Variants in TMEM132D observed in about 807,000 individuals in gnomAD.
TMEM132D encodes transmembrane protein 132D.
A neutral mutation model predicts 62.3 loss-of-function variants in TMEM132D; 21 were observed. The observed-to-expected ratio is 0.34, with a 90% CI of 0.24 to 0.49. The LOEUF (loss-of-function observed/expected upper bound fraction) is 0.49, where lower values mean the gene tolerates loss of function less well. Ranked by LOEUF, TMEM132D falls within the 20% of genes least tolerant of loss-of-function variation. The pLI is 0.99. For synonymous variants in TMEM132D, 621 were observed against 575.6 expected (o/e 1.08, Z -1.13); for missense variants, 1,346 against 1,402.8 (o/e 0.96, Z 0.65).
intron 4 of TMEM132D, among the ~76,000 whole-genome samples, chr12:129,234,240 T>C (rs1043597768): frequency 6.6e-6 from 1 of 152,140 alleles, no homozygotes; most frequent in African/African-American, 2.4e-5. Flanking sequence ...AGAACAGGCA[T>C]GGAGAATGCA....
chr12:129,547,937 C>T (rs531589642), intron 2 of TMEM132D, among the ~76,000 whole-genome samples: 236 of 152,228 alleles, frequency 1.6e-3, no homozygotes, highest in Middle Eastern at 3.4e-3. Flanking sequence ...CTGTGCTGTG[C>T]TGTTACTTTT....
At chr12:129,227,916 A>G (rs944396318) in intron 4 of TMEM132D, among the ~76,000 whole-genome samples, 5 of 152,278 alleles carry the variant, frequency 3.3e-5, no homozygotes, top group Middle Eastern at 3.4e-3. Context: ...TGTCCCTACA[A>G]ATGACTTGAA....
At chr12:129,762,442 G>A (rs1289173572) in intron 1 of TMEM132D, among the ~76,000 whole-genome samples, 2 of 152,170 alleles carry the variant, frequency 1.3e-5, no homozygotes, top group Admixed American at 6.5e-5. Context: ...GCCCATCCGT[G>A]TGCAGACCAT....
intron 5 of TMEM132D, among the ~76,000 whole-genome samples, chr12:129,183,389 C>T (rs1487786814): frequency 6.6e-6 from 1 of 152,240 alleles, no homozygotes. Context: ...TCAAAGCTCT[C>T]TGTGGCCGAA....
At chr12:129,281,333 C>A (rs1027215839) in intron 4 of TMEM132D, among the ~76,000 whole-genome samples, 73 of 151,960 alleles carry the variant, frequency 4.8e-4, no homozygotes, top group African/African-American at 1.7e-3. Context: ...TCAGGATGTG[C>A]ACACACACAC....
At chr12:129,156,157 C>A (rs1877239003) in intron 5 of TMEM132D, among the ~76,000 whole-genome samples, 1 of 151,802 alleles carries the variant, frequency 6.6e-6, no homozygotes, top group Non-Finnish European at 1.5e-5. Context: ...AACACACTCC[C>A]AATATAAACC....
intron 4 of TMEM132D, among the ~76,000 whole-genome samples, chr12:129,310,050 G>A (rs1227725757): frequency 6.7e-6 from 1 of 150,164 alleles, no homozygotes; most frequent in Non-Finnish European, 1.5e-5. Context: ...CTAGATGAGG[G>A]CTGGCCGAGG....
At chr12:129,410,051 A>G (rs941614079) in intron 3 of TMEM132D, among the ~76,000 whole-genome samples, 7 of 152,202 alleles carry the variant, frequency 4.6e-5, no homozygotes, top group Non-Finnish European at 1.0e-4. Flanking sequence ...TTCCTTCTGG[A>G]GCACTGCTAC....
intron 4 of TMEM132D, among the ~76,000 whole-genome samples, chr12:129,259,744 C>G (rs1170107885): frequency 1.3e-5 from 2 of 151,980 alleles, no homozygotes; most frequent in Non-Finnish European, 2.9e-5. Flanking sequence ...GATTTGGGAA[C>G]CATTTTAGAA....
chr12:129,740,936 A>C (rs1324442364), intron 1 of TMEM132D, among the ~76,000 whole-genome samples: 1 of 152,190 alleles, frequency 6.6e-6, no homozygotes, highest in East Asian at 1.9e-4. Context: ...GAATTTAATT[A>C]TGACATTAAA....
rs567542242 is a variant in TMEM132D at position 129,743,646 on chromosome 12, T to C, written c.80-42948A>G. Among the ~76,000 whole-genome samples, 5 of 152,278 alleles carry C rather than the reference T, an allele frequency of 3.3e-5. No homozygotes were observed. In the East Asian group the frequency reaches 9.6e-4, roughly 29 times the overall value. ...CCAAAAAAATATGCTCGTGCCCTAA[T>C]CCTTGAAACCTGTGAACATGTTAGC... On this transcript the variant is annotated intron_variant, in intron 1 of 8. Coordinates refer to ENST00000422113, the MANE Select transcript of TMEM132D (RefSeq NM_133448.3).
In TMEM132D at chr12:129,498,731, G is replaced by C. The variant is rs1875038342; in HGVS notation, c.1115+32328C>G. Among the ~76,000 whole-genome samples, 3 of 152,146 alleles carry C rather than the reference G, an allele frequency of 2.0e-5. No homozygotes were observed. In the South Asian group the frequency reaches 6.2e-4, roughly 31 times the overall value. ...TGAATGTCTGCATTAAGATCCTCCT[G>C]TATGTCTTCATCAGTTAAGGTTCTT... is the stretch of plus-strand genomic sequence containing the variant. On this transcript the variant is annotated intron_variant, in intron 3 of 8. Coordinates refer to ENST00000422113, the MANE Select transcript of TMEM132D (RefSeq NM_133448.3).
chr12:129,752,131 G>A (rs116607873), intron 1 of TMEM132D, among the ~76,000 whole-genome samples: 183 of 152,076 alleles, frequency 1.2e-3, no homozygotes, highest in African/African-American at 4.2e-3. Context: ...CATTCAGACA[G>A]GGAGATAAAT....
intron 3 of TMEM132D, among the ~76,000 whole-genome samples, chr12:129,366,879 A>G (rs546963074): frequency 3.9e-5 from 6 of 152,356 alleles, no homozygotes; most frequent in African/African-American, 1.4e-4. Flanking sequence ...ATGAATCTCT[A>G]GGAAGATGCT....
chr12:129,678,599 G>A (rs760524630), intron 2 of TMEM132D, among the ~76,000 whole-genome samples: 15 of 151,856 alleles, frequency 9.9e-5, no homozygotes, highest in Non-Finnish European at 1.6e-4. Context: ...CTAAACTTAC[G>A]GTTTGTCTTT....
chr12:129,682,195 T>C (rs1291830862), intron 2 of TMEM132D, among the ~76,000 whole-genome samples: 2 of 152,204 alleles, frequency 1.3e-5, no homozygotes, highest in East Asian at 3.8e-4. Context: ...CCTTAAGTAA[T>C]CTGTTCACAT....
intron 1 of TMEM132D, among the ~76,000 whole-genome samples, chr12:129,778,788 A>G (rs1270020102): frequency 1.3e-5 from 2 of 151,998 alleles, no homozygotes; most frequent in African/African-American, 2.4e-5. Flanking sequence ...ACTTTTCGAC[A>G]TTATTTTGCT....
intron 1 of TMEM132D, among the ~76,000 whole-genome samples, chr12:129,861,900 A>C (rs1873912196): frequency 6.6e-6 from 1 of 151,996 alleles, no homozygotes; most frequent in Non-Finnish European, 1.5e-5. Flanking sequence ...TGCATTTCTG[A>C]TGACCAGATG....
chr12:129,156,042 T>C (rs1364875707), intron 5 of TMEM132D, among the ~76,000 whole-genome samples: 2 of 151,968 alleles, frequency 1.3e-5, no homozygotes, highest in African/African-American at 4.8e-5. Context: ...ACTCCCGTGA[T>C]AACTGACCCA....
Sources: gnomAD v4.1 joint callset for allele counts (sites outside exome capture counted in the v4.1 genomes callset) on GRCh38, gnomAD v4.1.1 for gene constraint, MANE v1.5 for transcripts, NCBI Gene and HGNC (gene_info 2026-07-23, HGNC 2026-07-21) for gene names.